Variants in ATP2C1 observed in about 807,000 individuals in gnomAD.
The protein encoded by ATP2C1 is ATPase secretory pathway Ca2+ transporting 1.
Under a neutral mutation model 120.5 loss-of-function variants are expected in ATP2C1, and 31 were observed. That is an observed-to-expected ratio of 0.26 (90% CI 0.19 to 0.35). The LOEUF (loss-of-function observed/expected upper bound fraction) is 0.35. Among genes scored for constraint, ATP2C1 ranks in the 10% least tolerant of loss-of-function variants. ATP2C1 has a pLI of 1.00. For synonymous variants in ATP2C1, 351 were observed against 358.7 expected, an observed-to-expected ratio of 0.98 and a Z score of 0.24; for missense variants, 731 against 1,107.5, an observed-to-expected ratio of 0.66 and a Z score of 4.83.
Position 130,894,158 on chromosome 3 carries a change from C to CCCCCCCCCCCCCA in ATP2C1, c.-360_-359insCCCCCCCCCCCCA. 1.5e-6 allele frequency: 1 copy of CCCCCCCCCCCCCA among 649,928 alleles called. No individual in the cohort carries two copies. Among genetic ancestry groups the CCCCCCCCCCCCCA allele is most frequent in the Non-Finnish European group, 1.9e-6 (1 of 523,474 alleles). 40.3% of individuals were successfully genotyped at this position (649,928 alleles called of 1,614,324 possible). The stretch of plus-strand genomic sequence containing the variant: ...CTCACCTCCTCTTCTCTCCCCTCCC[C>CCCCCCCCCCCCCA]GCCCGCCCTCTCTCCCTCCCTTCCT... On this transcript the variant is annotated 5_prime_UTR_variant, in exon 1 of 28. Coordinates refer to ENST00000510168, the MANE Select transcript of ATP2C1 (RefSeq NM_001378687.1). The surrounding 1 kb of genome is among the most constrained non-coding windows in gnomAD (Gnocchi z 4.5).
chr3:130,990,869 C>T (rs1054096616), intron 20 of ATP2C1, among the ~76,000 whole-genome samples: 1 of 152,080 alleles, frequency 6.6e-6, no homozygotes. Context: ...TTTGGAGCCT[C>T]AGCAACTGCA....
At chr3:130,964,531 G>A (rs1033130908) in intron 13 of ATP2C1, among the ~76,000 whole-genome samples, 2 of 151,968 alleles carry the variant, frequency 1.3e-5, no homozygotes, top group East Asian at 1.9e-4. Flanking sequence ...CTCCAAAAAT[G>A]TACTGAATTT....
At chr3:130,960,572 C>T (rs2060776240) in intron 12 of ATP2C1, among the ~76,000 whole-genome samples, 1 of 152,176 alleles carries the variant, frequency 6.6e-6, no homozygotes, top group African/African-American at 2.4e-5. Flanking sequence ...GCAGTGTTAT[C>T]TAGCAGCATA....
chr3:130,938,676 G>A (rs2059772806), intron 6 of ATP2C1, among the ~76,000 whole-genome samples: 1 of 152,164 alleles, frequency 6.6e-6, no homozygotes, highest in African/African-American at 2.4e-5. Context: ...TCTAGCATAG[G>A]TCATGTCAGG....
upstream of ATP2C1, among the ~76,000 whole-genome samples, chr3:130,892,460 C>CG (rs1309833422): frequency 1.1e-4 from 16 of 145,806 alleles, no homozygotes; most frequent in East Asian, 2.0e-4. Flanking sequence ...AATAGTAACT[C>CG]CTAAGACTAG....
At chr3:130,993,801 C>G (rs946380267) in intron 21 of ATP2C1, 131 bp from the exon 22 acceptor site, 3 of 922,486 alleles carry the variant, frequency 3.3e-6, no homozygotes, top group Admixed American at 2.0e-5. Context: ...GTTCATTGAA[C>G]AATGGGTGGT....
At chr3:131,015,035 G>A (rs1157828295) in intron 26 of ATP2C1, 5 of 519,906 alleles carry the variant, frequency 9.6e-6, no homozygotes, top group African/African-American at 1.9e-5. Context: ...TAACTAAAGA[G>A]GATCCAGTCA....
chr3:130,893,259 T>C (rs1160646380), upstream of ATP2C1, among the ~76,000 whole-genome samples: 1 of 152,170 alleles, frequency 6.6e-6, no homozygotes, highest in Non-Finnish European at 1.5e-5. Context: ...CTAAAAGAAG[T>C]GCTCGTTCAT....
At chr3:130,893,978 G>GA (rs2069333280), upstream of ATP2C1, 5 of 985,534 alleles carry the variant, frequency 5.1e-6, no homozygotes, top group Non-Finnish European at 6.0e-6. Context: ...TCTCTCAGCG[G>GA]AAGTAATAGT....
intron 26 of ATP2C1, chr3:131,014,314 T>C: frequency 6.2e-7 from 1 of 1,614,006 alleles, no homozygotes; most frequent in Non-Finnish European, 8.5e-7. Flanking sequence ...GGACATATGC[T>C]CAGGAGACTT....
At chr3:130,929,936 T>G in intron 2 of ATP2C1, 1 of 233,432 alleles carries the variant, frequency 4.3e-6, no homozygotes. Context: ...AAGTCTGACT[T>G]GTTGTCATGG....
At chr3:130,893,879 C>A, upstream of ATP2C1, 1 of 976,332 alleles carries the variant, frequency 1.0e-6, no homozygotes, top group South Asian at 4.7e-5. Context: ...GGATCCAAAC[C>A]CAAACATTGT....
At chr3:130,900,861 A>G (rs989344405) in intron 2 of ATP2C1, among the ~76,000 whole-genome samples, 1 of 152,120 alleles carries the variant, frequency 6.6e-6, no homozygotes, top group Non-Finnish European at 1.5e-5. Flanking sequence ...TTATTTGTAT[A>G]TGTTATATAT....
At chr3:130,920,904 C>G (rs922045601) in intron 2 of ATP2C1, among the ~76,000 whole-genome samples, 1 of 151,916 alleles carries the variant, frequency 6.6e-6, no homozygotes, top group Non-Finnish European at 1.5e-5. Context: ...CAAGTTTATT[C>G]CTAGGTAGTT....
intron 6 of ATP2C1, among the ~76,000 whole-genome samples, chr3:130,940,321 A>C (rs2059838798): frequency 6.6e-6 from 1 of 152,250 alleles, no homozygotes; most frequent in Non-Finnish European, 1.5e-5. Flanking sequence ...TCAATGACTT[A>C]AAACTTTTAA....
At chr3:130,983,390 C>G (rs903968906) in intron 20 of ATP2C1, among the ~76,000 whole-genome samples, 3 of 152,198 alleles carry the variant, frequency 2.0e-5, no homozygotes, top group Non-Finnish European at 4.4e-5. Flanking sequence ...TACTCCATCT[C>G]TACCCTCTAC....
In ATP2C1 at chr3:130,915,277, A is replaced by G. The variant is rs570681771; in HGVS notation, c.7-15139A>G. Among the ~76,000 whole-genome samples the G allele has an allele frequency of 9.4e-4, 143 of 151,978 alleles. 1 individual carries two copies. The highest frequency in any genetic ancestry group is 1.3e-3 in the Non-Finnish European group (88 of 67,998). ...TCCAGCTAATTTTTGTATTTGTAGT[A>G]GAGACAGGGTTTTACCATGTTGGCC... On this transcript the variant is annotated intron_variant, in intron 2 of 27. Transcript: ENST00000510168.
At chr3:130,876,308 G>A (rs1016310593) in intron 1 of ATP2C1, among the ~76,000 whole-genome samples, 3 of 152,122 alleles carry the variant, frequency 2.0e-5, no homozygotes, top group East Asian at 1.9e-4. Context: ...TATATATGCT[G>A]AGAGTTAGGG....
At chr3:130,892,593 C>T (rs2069218474), upstream of ATP2C1, among the ~76,000 whole-genome samples, 1 of 148,366 alleles carries the variant, frequency 6.7e-6, no homozygotes, top group Non-Finnish European at 1.5e-5. Context: ...TAGTCTAGTA[C>T]CACTTACTTG....
Sources: gnomAD v4.1 joint callset for allele counts (sites outside exome capture counted in the v4.1 genomes callset) on GRCh38, gnomAD v4.1.1 for gene constraint, Gnocchi (gnomAD v3.1) non-coding constraint, MANE v1.5 for transcripts, NCBI Gene and HGNC (gene_info 2026-07-23, HGNC 2026-07-21) for gene names.